RPRD2: variants seen among roughly 807,000 people sequenced by gnomAD.
RPRD2 encodes regulation of nuclear pre-mRNA domain-containing protein 2.
In RPRD2, 12 loss-of-function variants were observed where a neutral mutation model predicts 104.4. That is an observed-to-expected ratio of 0.11 (90% CI 0.07 to 0.19). The LOEUF is 0.19. Among genes scored for constraint, RPRD2 ranks in the 10% least tolerant of loss-of-function variants. RPRD2 has a pLI of 1.00. For missense variants in RPRD2, 1,543 were observed against 1,790.1 expected (o/e 0.86, Z 2.49); for synonymous variants, 714 against 684.9 (o/e 1.04, Z -0.66).
intron 2 of RPRD2, among the ~76,000 whole-genome samples, chr1:150,423,614 T>C (rs1664910735): frequency 6.6e-6 from 1 of 152,056 alleles, no homozygotes; most frequent in South Asian, 2.1e-4. Flanking sequence ...AATAATGAGC[T>C]TGGTACCAGT....
chr1:150,425,823 A>G (rs1370320024), intron 2 of RPRD2, among the ~76,000 whole-genome samples: 1 of 152,040 alleles, frequency 6.6e-6, no homozygotes, highest in African/African-American at 2.4e-5. Flanking sequence ...TTAAAAAGTA[A>G]GAGAGGGCTG....
intron 1 of RPRD2, among the ~76,000 whole-genome samples, chr1:150,381,408 A>G (rs1486447036): frequency 1.3e-5 from 2 of 152,144 alleles, no homozygotes; most frequent in African/African-American, 4.8e-5. Context: ...GAAAACAGCA[A>G]GACCCTGGCT....
intron 5 of RPRD2, 132 bp downstream of exon 5, chr1:150,443,415 C>G: frequency 1.7e-6 from 1 of 586,522 alleles, no homozygotes; most frequent in Non-Finnish European, 2.8e-6. Context: ...ATGAACTGTT[C>G]TAAAGGAACC....
chr1:150,457,095 G>A (rs1276172891), intron 7 of RPRD2, among the ~76,000 whole-genome samples, 193 bp from the exon 8 acceptor site: 1 of 151,548 alleles, frequency 6.6e-6, no homozygotes, highest in African/African-American at 2.4e-5. Flanking sequence ...ATGGTGATGT[G>A]TTCCTGTGGA....
Position 150,459,966 on chromosome 1 carries a change from C to T in RPRD2, c.1154-94C>T, listed in dbSNP as rs1452289204. 8.3e-6 allele frequency: 10 copies of T among 1,203,642 alleles called. No individual in the cohort carries two copies. In the African/African-American group the frequency reaches 1.4e-4, roughly 16 times the overall value. The allele number at this position is 1,203,642 out of a possible 1,614,324, so 74.6% of individuals were successfully genotyped here. ...TTTTCTCTAAAGTAGTGCCTTTTCC[C>T]CCAAGTCCGGAAATATTAGGACATG... On this transcript the variant is annotated intron_variant, in intron 8 of 10. Transcript: ENST00000369068.
At chr1:150,446,430 T>G in intron 7 of RPRD2, 29 bp downstream of exon 7, 1 of 1,497,796 alleles carries the variant, frequency 6.7e-7, no homozygotes, top group Non-Finnish European at 9.0e-7. Flanking sequence ...TGTCTTATAC[T>G]GAATGCTTGT....
intron 1 of RPRD2, among the ~76,000 whole-genome samples, chr1:150,383,809 A>G (rs1171495839): frequency 3.3e-5 from 5 of 152,206 alleles, no homozygotes; most frequent in Non-Finnish European, 7.3e-5. Flanking sequence ...AGTATCAACT[A>G]GGATAAGAAT....
chr1:150,472,411 G>A lies in RPRD2; in HGVS notation c.3463G>A (p.Gly1155Ser), dbSNP rs755798197. Residue 1155 changes from glycine to serine, a missense_variant, in exon 11 of 11, where the codon GGC becomes AGC. Coordinates refer to ENST00000369068, the MANE Select transcript of RPRD2 (RefSeq NM_015203.5). ...ASELASLGGG[G>S]SGGLTGFKTA... ...TGAGTTGGCATCCCTTGGGGGTGGG[G>A]GCAGCGGAGGCCTCACTGGCTTTAA... 1.9e-6 allele frequency: 3 copies of A among 1,613,920 alleles called. No individual in the cohort carries two copies. Among genetic ancestry groups the A allele is most frequent in the East Asian group, 2.2e-5 (1 of 44,878 alleles).
At chr1:150,374,636 G>C (rs1247300526) in intron 1 of RPRD2, among the ~76,000 whole-genome samples, 1 of 152,200 alleles carries the variant, frequency 6.6e-6, no homozygotes, top group East Asian at 1.9e-4. Context: ...GTTCATTGCA[G>C]AATTGCTTGC....
At position 150,471,000 on chromosome 1, in the gene RPRD2, C is replaced by T. The variant is rs1668552153; in HGVS notation, c.2052C>T (p.Gly684=). The T allele has an allele frequency of 1.9e-6, 3 of 1,614,000 alleles. No individual in the cohort carries two copies. In the East Asian group the frequency reaches 6.7e-5, roughly 36 times the overall value. Residue 684 remains glycine (G), a synonymous_variant, in exon 11 of 11, where the codon GGC becomes GGT. Coordinates refer to ENST00000369068, the MANE Select transcript of RPRD2 (RefSeq NM_015203.5). ...TAAAAGGTAATCCTGGTTTCAGTGGCTTAAACTTAAACATCCCAATCCTGA... is the reference window on the plus strand; with the variant it reads ...TAAAAGGTAATCCTGGTTTCAGTGGTTTAAACTTAAACATCCCAATCCTGA... The part of the protein sequence containing the change: ...NFLKGNPGFS[G]LNLNIPILSS...
chr1:150,414,932 G>A (rs1664222530), intron 1 of RPRD2, among the ~76,000 whole-genome samples: 1 of 152,120 alleles, frequency 6.6e-6, no homozygotes, highest in Non-Finnish European at 1.5e-5. Flanking sequence ...GAAAGGCTAG[G>A]GGTAACCTAA....
intron 2 of RPRD2, among the ~76,000 whole-genome samples, chr1:150,431,177 C>T (rs587643809): frequency 6.6e-6 from 1 of 152,168 alleles, no homozygotes; most frequent in African/African-American, 2.4e-5. Flanking sequence ...AAAATTGGAA[C>T]CCATTTACAT....
intron 1 of RPRD2, among the ~76,000 whole-genome samples, chr1:150,415,435 C>T (rs1553888397): frequency 6.6e-6 from 1 of 152,038 alleles, no homozygotes; most frequent in East Asian, 1.9e-4. Context: ...GTAATCCCAG[C>T]AATTTGGGAG....
intron 7 of RPRD2, among the ~76,000 whole-genome samples, chr1:150,457,031 G>C (rs12126327): frequency 0.22 from 33,698 of 150,970 alleles, 4,246 homozygotes; most frequent in African/African-American, 0.32. Context: ...CGAGACCAGC[G>C]TGGCCAACAT....
chr1:150,463,543 C>T (rs1293804008), intron 9 of RPRD2, among the ~76,000 whole-genome samples: 2 of 152,058 alleles, frequency 1.3e-5, no homozygotes, highest in Non-Finnish European at 2.9e-5. Flanking sequence ...TCCTTTGCTT[C>T]TCACTTAAGT....
At position 150,471,780 on chromosome 1, in the gene RPRD2, C is replaced by T; in HGVS notation, c.2832C>T (p.His944=). 6.2e-7 allele frequency: 1 copy of T among 1,613,964 alleles called. No homozygotes were observed. Among genetic ancestry groups the T allele is most frequent in the Non-Finnish European group, 8.5e-7 (1 of 1,179,896 alleles). ...CATTTTTCACCCCTGACTCCAACCACAATAGCTTGTCTCAATCTACCACTG... is the reference window on the plus strand; with the variant it reads ...CATTTTTCACCCCTGACTCCAACCATAATAGCTTGTCTCAATCTACCACTG... ...NDSFFTPDSN[H]NSLSQSTTGH... is the part of the protein sequence containing the mutation. Residue 944 remains histidine, a synonymous_variant, in exon 11 of 11, where the codon CAC becomes CAT. Coordinates refer to ENST00000369068, the MANE Select transcript of RPRD2 (RefSeq NM_015203.5). The surrounding 1 kb of genome is among the most constrained non-coding windows in gnomAD (Gnocchi z 5.3).
intron 10 of RPRD2, among the ~76,000 whole-genome samples, chr1:150,469,723 C>A (rs964800580): frequency 1.3e-5 from 2 of 152,086 alleles, no homozygotes; most frequent in Non-Finnish European, 2.9e-5. Flanking sequence ...GCCTTTGCCC[C>A]AAAGAATTCT....
chr1:150,440,837 T>C, intron 2 of RPRD2, 86 bp from the exon 3 acceptor site: 1 of 708,838 alleles, frequency 1.4e-6, no homozygotes, highest in Non-Finnish European at 2.4e-6. Flanking sequence ...GGAAAATAAT[T>C]TTATTGATAA....
At chr1:150,381,161 G>A (rs1171912660) in intron 1 of RPRD2, among the ~76,000 whole-genome samples, 2 of 151,872 alleles carry the variant, frequency 1.3e-5, no homozygotes, top group African/African-American at 2.4e-5. Flanking sequence ...GCTGGCTTAT[G>A]CCTGTAATCC....
Sources: allele counts gnomAD v4.1 joint callset (sites outside exome capture counted in the v4.1 genomes callset), GRCh38; gene constraint gnomAD v4.1.1; non-coding constraint Gnocchi (gnomAD v3.1); transcripts MANE v1.5; gene names NCBI Gene and HGNC (gene_info 2026-07-23, HGNC 2026-07-21).